ATRNL1: variants seen among roughly 807,000 people sequenced by gnomAD.
ATRNL1 encodes the protein attractin-like protein 1.
Under a neutral mutation model 182.7 loss-of-function variants are expected in ATRNL1, and 95 were observed. The observed-to-expected ratio is 0.52, with a 90% CI of 0.44 to 0.62. ATRNL1 has a LOEUF of 0.62. Ranked by LOEUF, ATRNL1 falls within the 20% of genes least tolerant of loss-of-function variation. The pLI, the probability that ATRNL1 is intolerant of heterozygous loss-of-function variation, is 0.00. For synonymous variants in ATRNL1, 576 were observed against 568.3 expected, an observed-to-expected ratio of 1.01 and a Z score of -0.19; for missense variants, 1,471 against 1,679.5, an observed-to-expected ratio of 0.88 and a Z score of 2.17.
At chr10:115,485,406 AG>A (rs1848969312) in intron 24 of ATRNL1, among the ~76,000 whole-genome samples, 1 of 152,028 alleles carries the variant, frequency 6.6e-6, no homozygotes, top group South Asian at 2.1e-4. Flanking sequence ...TGATGTTTTG[AG>A]GTATATATAC....
At chr10:115,138,368 C>T (rs1392498957) in intron 5 of ATRNL1, among the ~76,000 whole-genome samples, 4 of 152,238 alleles carry the variant, frequency 2.6e-5, no homozygotes, top group Non-Finnish European at 4.4e-5. Context: ...CCCTACGTTT[C>T]CCTTCTGCAC....
chr10:115,271,505 A>G (rs1194232873), intron 13 of ATRNL1, among the ~76,000 whole-genome samples: 4 of 152,042 alleles, frequency 2.6e-5, no homozygotes, highest in Admixed American at 2.0e-4. Flanking sequence ...TGACCCAGCC[A>G]TCCCGTTACT....
intron 24 of ATRNL1, among the ~76,000 whole-genome samples, chr10:115,501,652 AG>A (rs1849845360): frequency 6.6e-6 from 1 of 152,368 alleles, no homozygotes; most frequent in East Asian, 1.9e-4. Flanking sequence ...GAAATCAGGT[AG>A]AGAGAAACAA....
rs138721372 is a variant in ATRNL1, at chr10:115,394,666, A to G, written c.3183A>G (p.Thr1061=). The part of the protein sequence containing the change: ...PTNGGQCTAC[T]CSGHANICHL... ...TTTGGTTTTGACTTACAGCTTGTAC[A>G]TGCAGTGGCCATGCAAATATCTGTC... Residue 1061 remains threonine (T), a synonymous_variant, in exon 20 of 29, where the codon ACA becomes ACG. Transcript: ENST00000355044. The G allele has an allele frequency of 1.1e-5, 17 of 1,611,292 alleles. No homozygotes were observed. In the African/African-American group the frequency reaches 2.1e-4, roughly 20 times the overall value.
intron 10 of ATRNL1, among the ~76,000 whole-genome samples, chr10:115,252,898 C>T (rs1850942811): frequency 6.6e-6 from 1 of 152,134 alleles, no homozygotes; most frequent in African/African-American, 2.4e-5. Flanking sequence ...GGCATGCCTT[C>T]CTACTTTATC....
chr10:115,331,914 C>T (rs1304832199), intron 18 of ATRNL1, among the ~76,000 whole-genome samples: 1 of 152,122 alleles, frequency 6.6e-6, no homozygotes, highest in Non-Finnish European at 1.5e-5. Context: ...GATTGTAGAC[C>T]ATCCATCTGA....
intron 24 of ATRNL1, among the ~76,000 whole-genome samples, chr10:115,517,697 TAA>T (rs1454414105): frequency 6.6e-6 from 1 of 151,868 alleles, no homozygotes; most frequent in African/African-American, 2.4e-5. Context: ...CAATTTGTCT[TAA>T]ATAAACTAAT....
intron 28 of ATRNL1, among the ~76,000 whole-genome samples, chr10:115,930,721 G>A (rs1214666530): frequency 2.0e-5 from 3 of 152,070 alleles, no homozygotes; most frequent in African/African-American, 7.2e-5. Context: ...GAGTCATACT[G>A]GTGGATGGTA....
chr10:115,732,375 T>A (rs879976310), intron 27 of ATRNL1, among the ~76,000 whole-genome samples: 1 of 152,230 alleles, frequency 6.6e-6, no homozygotes, highest in Admixed American at 6.5e-5. Context: ...TCTTGATGAC[T>A]CTACCTTTGT....
chr10:115,705,546 A>G (rs1946870146), intron 26 of ATRNL1, among the ~76,000 whole-genome samples: 1 of 151,968 alleles, frequency 6.6e-6, no homozygotes, highest in African/African-American at 2.4e-5. Flanking sequence ...TTTTTAAAAT[A>G]TATCACATTA....
intron 24 of ATRNL1, among the ~76,000 whole-genome samples, chr10:115,483,890 GT>G (rs1554974663): frequency 1.3e-5 from 2 of 151,510 alleles, no homozygotes; most frequent in South Asian, 2.1e-4. Context: ...ATTTGCCCAT[GT>G]TTTTAGAGTT....
chr10:115,530,233 A>G (rs1851487062), intron 25 of ATRNL1, among the ~76,000 whole-genome samples: 2 of 152,164 alleles, frequency 1.3e-5, no homozygotes, highest in South Asian at 4.1e-4. Context: ...TCTCTTAAGT[A>G]TATAATTAGG....
intron 25 of ATRNL1, among the ~76,000 whole-genome samples, chr10:115,543,938 G>A (rs1337871510): frequency 6.6e-6 from 1 of 151,322 alleles, no homozygotes; most frequent in Non-Finnish European, 1.5e-5. Flanking sequence ...TTTCCTTTGG[G>A]TGGATTGTAC....
intron 15 of ATRNL1, among the ~76,000 whole-genome samples, chr10:115,291,583 T>C (rs1342873833): frequency 1.3e-5 from 2 of 152,190 alleles, no homozygotes; most frequent in Non-Finnish European, 1.5e-5. Context: ...AGATGTTGAA[T>C]TCTGTTGAAT....
At chr10:115,825,909 C>T (rs1313698619) in intron 27 of ATRNL1, among the ~76,000 whole-genome samples, 1 of 152,072 alleles carries the variant, frequency 6.6e-6, no homozygotes, top group Non-Finnish European at 1.5e-5. Flanking sequence ...ACTATTCCAC[C>T]TGTTAAGCTC....
At position 115,467,416 on chromosome 10, in the gene ATRNL1, T is replaced by C. The variant is rs1369937970; in HGVS notation, c.3496+164T>C. On this transcript the variant is annotated intron_variant, in intron 23 of 28. Coordinates refer to ENST00000355044, the MANE Select transcript of ATRNL1 (RefSeq NM_207303.4). ...TAATAAGTAGAAAAATGAATAGAGC[T>C]TCATTATTTTGTTAACTTTCTCCTT... Among the ~76,000 whole-genome samples the C allele has an allele frequency of 2.1e-4, 31 of 150,820 alleles. 1 individual carries two copies. In the Admixed American group the frequency reaches 2.1e-3, roughly 10 times the overall value.
chr10:115,416,955 A>G (rs1845417630), intron 20 of ATRNL1, among the ~76,000 whole-genome samples: 1 of 152,158 alleles, frequency 6.6e-6, no homozygotes, highest in Admixed American at 6.5e-5. Context: ...ATATTTCTTC[A>G]CAACAACAAG....
chr10:115,601,648 G>A (rs1295020189), intron 26 of ATRNL1, among the ~76,000 whole-genome samples: 3 of 152,098 alleles, frequency 2.0e-5, no homozygotes, highest in Admixed American at 6.5e-5. Flanking sequence ...ATTAACTCAT[G>A]TTCTGGTCTA....
In ATRNL1 at chr10:115,381,563, G is replaced by A. The variant is rs112991394; in HGVS notation, c.3176-13096G>A. Among the ~76,000 whole-genome samples the A allele has an allele frequency of 5.8e-4, 88 of 151,432 alleles. 1 individual carries two copies. Among genetic ancestry groups the A allele is most frequent in the African/African-American group, 1.8e-3 (73 of 41,282 alleles). On this transcript the variant is annotated intron_variant, in intron 19 of 28. Transcript: ENST00000355044. ...GCTGGGATTACAGGTGCAAGTCACC[G>A]TGCCAGGCCATGTTTTTATTATTTA...
Sources: gnomAD v4.1 joint callset for allele counts (sites outside exome capture counted in the v4.1 genomes callset) on GRCh38, gnomAD v4.1.1 for gene constraint, MANE v1.5 for transcripts, NCBI Gene and HGNC (gene_info 2026-07-23, HGNC 2026-07-21) for gene names.